FYCO1: variants seen among roughly 807,000 people sequenced by gnomAD.
FYCO1 encodes the protein FYVE and coiled-coil domain-containing protein 1.
In FYCO1, 122 loss-of-function variants were observed where a neutral mutation model predicts 165.1. The ratio of observed to expected loss-of-function variants is 0.74; its 90% confidence interval spans 0.64 to 0.86. The LOEUF (loss-of-function observed/expected upper bound fraction) is 0.86, where lower values mean the gene tolerates loss of function less well. FYCO1 is among the 40% of genes least tolerant of loss of function. FYCO1 has a pLI of 0.00. For synonymous variants in FYCO1, 648 were observed against 742.5 expected (o/e 0.87, Z 2.07); for missense variants, 1,702 against 1,810.3 (o/e 0.94, Z 1.09).
intron 6 of FYCO1, among the ~76,000 whole-genome samples, chr3:45,970,412 G>A (rs1706356356): frequency 6.6e-6 from 1 of 152,184 alleles, no homozygotes; most frequent in South Asian, 2.1e-4. Context: ...GCCCTTCACA[G>A]TATCTTCCCT....
Position 45,919,968 on chromosome 3 carries a change from T to A in FYCO1, c.*1797A>T, listed in dbSNP as rs1401400420. The A allele has an allele frequency of 6.6e-6, 1 of 152,262 alleles. No individual in the cohort carries two copies. Among genetic ancestry groups the A allele is most frequent in the Non-Finnish European group, 1.5e-5 (1 of 68,066 alleles). The allele number at this position is 152,262 out of a possible 1,614,324, so 9.4% of individuals were successfully genotyped here. A position where few individuals can be genotyped will look rare whatever the true frequency, so the allele number is the denominator to read the frequency against. ...GGCCAGGAGAAGATGATTGAGCACC[T>A]GATGGCTTTCTGCCAGAAGAGGCTG... is the stretch of plus-strand genomic sequence containing the variant. On this transcript the variant is annotated 3_prime_UTR_variant, in exon 18 of 18. Coordinates refer to ENST00000296137, the MANE Select transcript of FYCO1 (RefSeq NM_024513.4).
intron 6 of FYCO1, among the ~76,000 whole-genome samples, chr3:45,972,746 C>T (rs548668921): frequency 6.6e-6 from 1 of 152,354 alleles, no homozygotes; most frequent in South Asian, 2.1e-4. Context: ...GCTTAGGAGC[C>T]TTCTGTAATA....
In FYCO1 at chr3:45,966,349, A is replaced by G; in HGVS notation, c.2985T>C (p.Ala995=). The change falls in exon 8 of 18, where the codon GCT becomes GCC. Residue 995 remains alanine (A), a synonymous_variant. Transcript: ENST00000296137. Reference sequence around the variant, plus strand: ...TGAGGGTGTTGAGCTCCTGGTGTGCAGCCTCTTGGAGGCTCTGGGCCCGCT... The same window carrying G: ...TGAGGGTGTTGAGCTCCTGGTGTGCGGCCTCTTGGAGGCTCTGGGCCCGCT... ...AEQRAQSLQE[A]AHQELNTLKF... is the part of the protein sequence containing the mutation. 6.2e-7 allele frequency: 1 copy of G among 1,614,188 alleles called. No homozygotes were observed. Among genetic ancestry groups the G allele is most frequent in the Non-Finnish European group, 8.5e-7 (1 of 1,180,016 alleles).
chr3:45,955,545 G>A, intron 13 of FYCO1, 152 bp from the exon 14 acceptor site: 1 of 890,280 alleles, frequency 1.1e-6, no homozygotes, highest in Non-Finnish European at 1.8e-6. Flanking sequence ...CAGCTATTCT[G>A]TCCAGAGTTG....
Position 45,967,010 on chromosome 3 carries a change from T to C in FYCO1, c.2324A>G (p.Gln775Arg), listed in dbSNP as rs769764075. ...RELAAQLALS[Q>R]AQLEVHQGEV... ...CCCCTGATGGACTTCCAGCTGCGCC[T>C]GAGACAGGGCTAGCTGGGCAGCCAG... is the stretch of plus-strand genomic sequence containing the variant. The change falls in exon 8 of 18, where the codon CAG becomes CGG. Residue 775 changes from glutamine to arginine, a missense_variant. Gln to Arg is a conservative substitution (Grantham distance 43). Transcript: ENST00000296137. 3 of 1,613,086 alleles carry C rather than the reference T, an allele frequency of 1.9e-6. No homozygotes were observed. Among genetic ancestry groups the C allele is most frequent in the African/African-American group, 1.3e-5 (1 of 74,940 alleles).
rs540943829 is a variant in FYCO1 at position 45,966,231 on chromosome 3, T to G, written c.3057+46A>C. The G allele has an allele frequency of 5.8e-5, 93 of 1,600,614 alleles. 1 individual carries two copies. In the East Asian group the frequency reaches 1.8e-3, roughly 31 times the overall value. ...CATCTTCCCATGGACCCACCAGGCC[T>G]GCCCAGGGAGAGGGGTAGAGCCCAA... On this transcript the variant is annotated intron_variant, in intron 8 of 17. Coordinates refer to ENST00000296137, the MANE Select transcript of FYCO1 (RefSeq NM_024513.4).
intron 14 of FYCO1, among the ~76,000 whole-genome samples, chr3:45,950,582 C>T (rs1258796189): frequency 6.6e-6 from 1 of 152,154 alleles, no homozygotes; most frequent in Non-Finnish European, 1.5e-5. Flanking sequence ...AAGGGGCTCT[C>T]AAAGCAGCAC....
chr3:45,921,947 T>C, intron 17 of FYCO1, 107 bp from the exon 18 acceptor site: 1 of 754,608 alleles, frequency 1.3e-6, no homozygotes, highest in Non-Finnish European at 2.4e-6. Context: ...CCTGGCTGGG[T>C]GTGGGTGCTG....
intron 16 of FYCO1, among the ~76,000 whole-genome samples, chr3:45,925,032 C>A (rs1287514023): frequency 6.6e-6 from 1 of 152,122 alleles, no homozygotes; most frequent in Non-Finnish European, 1.5e-5. Context: ...TGGATTCAAG[C>A]AATTCTCCTG....
intron 1 of FYCO1, among the ~76,000 whole-genome samples, chr3:45,991,483 T>C (rs890434576): frequency 6.6e-6 from 1 of 152,330 alleles, no homozygotes; most frequent in African/African-American, 2.4e-5. Flanking sequence ...CCTCTGCCTA[T>C]GTTCAGGCAT....
intron 15 of FYCO1, among the ~76,000 whole-genome samples, chr3:45,932,841 T>A (rs1489183436): frequency 6.6e-6 from 1 of 152,226 alleles, no homozygotes; most frequent in Non-Finnish European, 1.5e-5. Context: ...CATTTACAAT[T>A]TTCAAGAATC....
In FYCO1 at chr3:45,936,489, C is replaced by G. The variant is rs751515767; in HGVS notation, c.3999G>C (p.Gly1333=). The G allele has an allele frequency of 6.2e-7, 1 of 1,614,018 alleles. No homozygotes were observed. The highest frequency in any genetic ancestry group is 8.5e-7 in the Non-Finnish European group (1 of 1,179,862). The stretch of plus-strand genomic sequence containing the variant: ...TCAGCAGGCAGATTTCCGAATCCTG[C>G]CCCACGGGCATGTCTTCAGTGTCCT... The part of the protein sequence containing the change: ...TPEDTEDMPV[G]QDSEICLLKS... The change falls in exon 15 of 18, where the codon GGG becomes GGC. Residue 1333 remains glycine (G), a synonymous_variant. Transcript: ENST00000296137.
At chr3:45,965,704 A>G (rs1705969666) in intron 8 of FYCO1, among the ~76,000 whole-genome samples, 1 of 152,214 alleles carries the variant, frequency 6.6e-6, no homozygotes, top group African/African-American at 2.4e-5. Flanking sequence ...GGGGTTGGTT[A>G]TTCATTAAGA....
intron 15 of FYCO1, among the ~76,000 whole-genome samples, chr3:45,934,295 T>G (rs1703778152): frequency 6.6e-6 from 1 of 152,140 alleles, no homozygotes; most frequent in Non-Finnish European, 1.5e-5. Context: ...AAGAGCTGAG[T>G]GTACCCCAAA....
At chr3:45,946,446 G>T in intron 14 of FYCO1, 1 of 1,554,364 alleles carries the variant, frequency 6.4e-7, no homozygotes, top group Non-Finnish European at 8.8e-7. Flanking sequence ...ATAATTCCTG[G>T]GTTCTGACTC....
At chr3:45,971,575 A>T (rs1706448357) in intron 6 of FYCO1, among the ~76,000 whole-genome samples, 1 of 152,260 alleles carries the variant, frequency 6.6e-6, no homozygotes. Flanking sequence ...TGACAAGGAC[A>T]CAACAGGTAA....
rs1224187896 is a variant in FYCO1, at chr3:45,993,578, T to C, written c.-113+2144A>G. Among the ~76,000 whole-genome samples the C allele has an allele frequency of 6.6e-6, 1 of 152,216 alleles. No individual in the cohort carries two copies. Among genetic ancestry groups the C allele is most frequent in the African/African-American group, 2.4e-5 (1 of 41,446 alleles). ...GGCATTGAGCTCACAAACAAAATACTGTTTATCTTTTGACTAAGACAAGAA... is the reference window on the plus strand; with the variant it reads ...GGCATTGAGCTCACAAACAAAATACCGTTTATCTTTTGACTAAGACAAGAA... On this transcript the variant is annotated intron_variant, in intron 1 of 17. Coordinates refer to ENST00000296137, the MANE Select transcript of FYCO1 (RefSeq NM_024513.4). The surrounding 1 kb of genome is among the most constrained non-coding windows in gnomAD (Gnocchi z 4.4).
At position 45,959,532 on chromosome 3, in the gene FYCO1, C is replaced by G. The variant is rs1399242455; in HGVS notation, c.3448G>C (p.Ala1150Pro). The G allele has an allele frequency of 2.5e-6, 4 of 1,613,990 alleles. No individual in the cohort carries two copies. Among genetic ancestry groups the G allele is most frequent in the Non-Finnish European group, 3.4e-6 (4 of 1,180,014 alleles). ...AGGGCATCTGACTTCTGCCAGAGAG[C>G]ATCCTTGTCCCTGGGACAAAACCAC... ...RLIELLRDKD[A>P]LWQKSDALEF... The change falls in exon 12 of 18, where the codon GCT (alanine) becomes CCT (proline). Residue 1150 changes from alanine to proline, a missense_variant. By Grantham distance (27) the Ala-to-Pro change is conservative. Transcript: ENST00000296137.
At chr3:45,943,037 C>A (rs1704328596) in intron 14 of FYCO1, among the ~76,000 whole-genome samples, 1 of 152,220 alleles carries the variant, frequency 6.6e-6, no homozygotes, top group South Asian at 2.1e-4. Flanking sequence ...ATAATATCCA[C>A]TGCAGGGCTG....
Sources: allele counts gnomAD v4.1 joint callset (sites outside exome capture counted in the v4.1 genomes callset), GRCh38; gene constraint gnomAD v4.1.1; non-coding constraint Gnocchi (gnomAD v3.1); transcripts MANE v1.5; gene names NCBI Gene and HGNC (gene_info 2026-07-23, HGNC 2026-07-21).